Variants in PRDM16 observed in about 807,000 individuals in gnomAD.
PRDM16 encodes the protein PR/SET domain 16.
In PRDM16, 23 loss-of-function variants were observed where a neutral mutation model predicts 110.6. The ratio of observed to expected loss-of-function variants is 0.21; its 90% CI spans 0.15 to 0.29. The LOEUF is 0.29. Ranked by LOEUF, PRDM16 falls within the 10% of genes least tolerant of loss-of-function variation. The pLI is 1.00. For synonymous variants in PRDM16, 799 were observed against 781.8 expected, an observed-to-expected ratio of 1.02 and a Z score of -0.37; for missense variants, 1,615 against 1,794.3, an observed-to-expected ratio of 0.90 and a Z score of 1.81.
chr1:3,420,273 G>A (rs1638390826), intron 12 of PRDM16, among the ~76,000 whole-genome samples: 1 of 152,158 alleles, frequency 6.6e-6, no homozygotes, highest in Non-Finnish European at 1.5e-5. Context: ...GATACCACTG[G>A]TGGTTTCTGG....
chr1:3,433,516 G>A (rs1001803631), intron 16 of PRDM16, among the ~76,000 whole-genome samples, 161 bp from the exon 17 acceptor site: 8 of 140,410 alleles, frequency 5.7e-5, no homozygotes, highest in Non-Finnish European at 1.1e-4. Flanking sequence ...CTGCCCACGC[G>A]CTCACCTGCC....
At chr1:3,135,353 G>T (rs1307547528) in intron 1 of PRDM16, among the ~76,000 whole-genome samples, 1 of 152,210 alleles carries the variant, frequency 6.6e-6, no homozygotes, top group African/African-American at 2.4e-5. Context: ...TTCCTGCCTT[G>T]CAGACACCGA....
chr1:3,132,104 G>C (rs1191322923), intron 1 of PRDM16, among the ~76,000 whole-genome samples: 1 of 152,162 alleles, frequency 6.6e-6, no homozygotes, highest in African/African-American at 2.4e-5. Flanking sequence ...TGGGGCATTA[G>C]GGGCACTTTT....
intron 3 of PRDM16, among the ~76,000 whole-genome samples, chr1:3,276,438 C>A (rs548868806): frequency 1.3e-5 from 2 of 152,238 alleles, no homozygotes; most frequent in Admixed American, 6.5e-5. Context: ...TGCTCGTGCC[C>A]GGCCCTGAGC....
chr1:3,399,006 G>C (rs184875114), intron 5 of PRDM16, among the ~76,000 whole-genome samples: 1 of 152,326 alleles, frequency 6.6e-6, no homozygotes, highest in East Asian at 1.9e-4. Flanking sequence ...CTGCAGCTCT[G>C]TCAAGAATGC....
Position 3,435,049 on chromosome 1 carries a change from G to C in PRDM16, c.*1238G>C, listed in dbSNP as rs1039387512. On this transcript the variant is annotated 3_prime_UTR_variant, in exon 17 of 17. Coordinates refer to ENST00000270722, the MANE Select transcript of PRDM16 (RefSeq NM_022114.4). ...GCGAGACACAGCTTGAGAACAGAAGGGCGTCGGGGGAACCTGCCGCAAGGA... is the reference window on the plus strand; with the variant it reads ...GCGAGACACAGCTTGAGAACAGAAGCGCGTCGGGGGAACCTGCCGCAAGGA... The C allele has an allele frequency of 4.4e-6, 1 of 227,092 alleles. No individual in the cohort carries two copies. Among genetic ancestry groups the C allele is most frequent in the Non-Finnish European group, 8.8e-6 (1 of 114,232 alleles). The allele number at this position is 227,092 out of a possible 1,614,324, so 14.1% of individuals were successfully genotyped here. A position where few individuals can be genotyped will look rare whatever the true frequency, so the allele number is the denominator to read the frequency against.
intron 3 of PRDM16, among the ~76,000 whole-genome samples, chr1:3,367,539 G>C (rs1642837698): frequency 6.6e-6 from 1 of 152,326 alleles, no homozygotes; most frequent in Admixed American, 6.5e-5. Flanking sequence ...TTGGGGAGTG[G>C]CTGGAATGTG....
chr1:3,085,830 A>G (rs1345917693), intron 1 of PRDM16, among the ~76,000 whole-genome samples: 1 of 152,214 alleles, frequency 6.6e-6, no homozygotes, highest in Non-Finnish European at 1.5e-5. Context: ...CCAGGCCTAC[A>G]GGGCCCCAGA....
At chr1:3,133,685 G>A (rs1255996834) in intron 1 of PRDM16, 1 of 152,276 alleles carries the variant, frequency 6.6e-6, no homozygotes, top group East Asian at 1.9e-4. Flanking sequence ...GCTCTCTGAA[G>A]TGGTTCAGCT....
chr1:3,173,258 A>G (rs1644046155), intron 1 of PRDM16, among the ~76,000 whole-genome samples: 1 of 152,186 alleles, frequency 6.6e-6, no homozygotes, highest in African/African-American at 2.4e-5. Context: ...AAAAGGCCAA[A>G]TCACATCTCT....
intron 3 of PRDM16, among the ~76,000 whole-genome samples, chr1:3,372,155 A>G (rs950364602): frequency 5.9e-5 from 9 of 152,198 alleles, no homozygotes; most frequent in African/African-American, 2.2e-4. Context: ...CCCCTCAGGA[A>G]CCAACCAACG....
intron 1 of PRDM16, among the ~76,000 whole-genome samples, chr1:3,094,140 C>T (rs1029363880): frequency 3.9e-5 from 6 of 152,138 alleles, no homozygotes; most frequent in Non-Finnish European, 4.4e-5. Context: ...GGGCAAGAGG[C>T]GGGCGGGGCA....
chr1:3,108,142 G>A (rs1052838064), intron 1 of PRDM16, among the ~76,000 whole-genome samples: 4 of 152,350 alleles, frequency 2.6e-5, no homozygotes, highest in Non-Finnish European at 5.9e-5. Context: ...TCTTACATTC[G>A]TAGGACTGGG....
chr1:3,134,508 A>G (rs888967359), intron 1 of PRDM16, among the ~76,000 whole-genome samples: 1 of 152,182 alleles, frequency 6.6e-6, no homozygotes, highest in South Asian at 2.1e-4. Flanking sequence ...CTGGCATCAG[A>G]ACTCGCACCC....
chr1:3,103,757 G>C lies in PRDM16; in HGVS notation c.37+34461G>C, dbSNP rs112575042. ...ACCTGAGAGGCGTCCCTGGAAACCA[G>C]GGCTGCTCTGGAGTGCACAATTTTT... On this transcript the variant is annotated intron_variant, in intron 1 of 16. Coordinates refer to ENST00000270722, the MANE Select transcript of PRDM16 (RefSeq NM_022114.4). Among the ~76,000 whole-genome samples, 445 of 152,300 alleles carry C rather than the reference G, an allele frequency of 2.9e-3. 4 individuals are homozygous for C. Among genetic ancestry groups the C allele is most frequent in the Non-Finnish European group, 2.6e-3 (175 of 68,028 alleles).
chr1:3,340,034 T>C (rs1332418268), intron 3 of PRDM16, among the ~76,000 whole-genome samples: 1 of 152,180 alleles, frequency 6.6e-6, no homozygotes, highest in African/African-American at 2.4e-5. Context: ...TGGCAGGCGA[T>C]CTCTGCTGCG....
chr1:3,388,470 C>T (rs1246443214), intron 4 of PRDM16, among the ~76,000 whole-genome samples: 1 of 152,158 alleles, frequency 6.6e-6, no homozygotes, highest in African/African-American at 2.4e-5. Context: ...AAAGCATCAC[C>T]ATCATTTTGA....
chr1:3,174,816 G>A (rs1439883168), intron 1 of PRDM16, among the ~76,000 whole-genome samples: 4 of 152,206 alleles, frequency 2.6e-5, no homozygotes, highest in Non-Finnish European at 5.9e-5. Flanking sequence ...CCTGCAGCTG[G>A]GGTTCAACGT....
At chr1:3,423,722 G>A (rs1638506799) in intron 12 of PRDM16, among the ~76,000 whole-genome samples, 1 of 152,174 alleles carries the variant, frequency 6.6e-6, no homozygotes, top group Admixed American at 6.5e-5. Flanking sequence ...AACAAACCCT[G>A]CCCCATCCTG....
Sources: gnomAD v4.1 joint callset for allele counts (sites outside exome capture counted in the v4.1 genomes callset) on GRCh38, gnomAD v4.1.1 for gene constraint, MANE v1.5 for transcripts, NCBI Gene and HGNC (gene_info 2026-07-23, HGNC 2026-07-21) for gene names.